Variants in ZNF292 observed in about 807,000 individuals in gnomAD.
The protein encoded by ZNF292 is zinc finger protein 292.
ZNF292 carries 26 observed loss-of-function variants against 217.9 expected under a neutral mutation model. The ratio of observed to expected loss-of-function variants is 0.12; its 90% confidence interval spans 0.09 to 0.17. ZNF292 has a LOEUF of 0.17. Ranked by LOEUF, ZNF292 falls within the 10% of genes least tolerant of loss-of-function variation. The probability of loss-of-function intolerance (pLI) is 1.00; values close to 1 mark genes in which losing one functional copy is unlikely to be tolerated. For missense variants in ZNF292, 2,904 were observed against 3,175.2 expected, an observed-to-expected ratio of 0.91 and a Z score of 2.05; for synonymous variants, 1,257 against 1,124.1, an observed-to-expected ratio of 1.12 and a Z score of -2.37.
At chr6:87,160,485 A>ATG (rs1481479708) in intron 1 of ZNF292, among the ~76,000 whole-genome samples, 3 of 66,800 alleles carry the variant, frequency 4.5e-5, no homozygotes, top group African/African-American at 1.5e-4. Flanking sequence ...ATGTGTTTGT[A>ATG]TATATATGTG....
intron 1 of ZNF292, among the ~76,000 whole-genome samples, chr6:87,181,705 G>A (rs1008756360): frequency 6.7e-6 from 1 of 150,076 alleles, no homozygotes; most frequent in African/African-American, 2.5e-5. Context: ...TTTTTGAGAT[G>A]AAGTCTCCCT....
chr6:87,195,889 A>G lies in ZNF292; in HGVS notation c.169-20014A>G, dbSNP rs113830439. Among the ~76,000 whole-genome samples the G allele has an allele frequency of 4.8e-3, 736 of 152,014 alleles. 6 individuals carry two copies. Among genetic ancestry groups the G allele is most frequent in the African/African-American group, 0.017 (685 of 41,472 alleles). ...CTGAAAATACAAAAATTAGCCGGGC[A>G]TGGTGGCACAAGCCTGTAATCCTTG... On this transcript the variant is annotated intron_variant, in intron 1 of 7. Coordinates refer to ENST00000369577, the MANE Select transcript of ZNF292 (RefSeq NM_015021.3).
rs570030472 is a variant in ZNF292, at chr6:87,256,739, C to T, written c.3110C>T (p.Ala1037Val). The T allele has an allele frequency of 1.6e-5, 25 of 1,612,428 alleles. No individual in the cohort carries two copies. Among genetic ancestry groups the T allele is most frequent in the Non-Finnish European group, 2.1e-5 (25 of 1,179,814 alleles). ...NLMTFSVQNQ[A>V]AFQNNLPTSK... ...ATGACCTTTTCTGTGCAAAATCAGGCAGCATTTCAAAACAATTTACCAACT... is the reference window on the plus strand; with the variant it reads ...ATGACCTTTTCTGTGCAAAATCAGGTAGCATTTCAAAACAATTTACCAACT... Residue 1037 changes from alanine to valine, a missense_variant, in exon 8 of 8, where the codon GCA (alanine) becomes GTA (valine). Physicochemically the swap from Ala to Val is moderately conservative, Grantham distance 64. Coordinates refer to ENST00000369577, the MANE Select transcript of ZNF292 (RefSeq NM_015021.3).
chr6:87,230,003 T>C (rs1278694580), intron 4 of ZNF292, among the ~76,000 whole-genome samples: 1 of 152,040 alleles, frequency 6.6e-6, no homozygotes, highest in African/African-American at 2.4e-5. Context: ...GAAGTGGAGA[T>C]GAAGAAGAGT....
intron 1 of ZNF292, among the ~76,000 whole-genome samples, chr6:87,178,062 T>C (rs1771358280): frequency 6.6e-6 from 1 of 152,214 alleles, no homozygotes; most frequent in Non-Finnish European, 1.5e-5. Flanking sequence ...TTTATTGACT[T>C]GGTTTCACCA....
At chr6:87,211,717 CAAA>C (rs1472186985) in intron 1 of ZNF292, among the ~76,000 whole-genome samples, 1 of 152,076 alleles carries the variant, frequency 6.6e-6, no homozygotes, top group Non-Finnish European at 1.5e-5. Flanking sequence ...AGTCATTCAT[CAAA>C]AAACAGTTTT....
At chr6:87,182,693 AATAAAAGCAAATTAACAATC>A (rs1291899584) in intron 1 of ZNF292, among the ~76,000 whole-genome samples, 3 of 152,354 alleles carry the variant, frequency 2.0e-5, no homozygotes, top group Non-Finnish European at 4.4e-5. Flanking sequence ...AGGAGGAAAG[AATAAAAGCAAATTAACAATC>A]ATATTATTGA....
rs373138423 is a variant in ZNF292 at position 87,259,149 on chromosome 6, T to C, written c.5520T>C (p.Ile1840=). 3 of 1,613,286 alleles carry C rather than the reference T, an allele frequency of 1.9e-6. No homozygotes were observed. In the African/African-American group the frequency reaches 4.0e-5, roughly 22 times the overall value. Residue 1840 remains isoleucine, a synonymous_variant, in exon 8 of 8, where the codon ATT becomes ATC. Coordinates refer to ENST00000369577, the MANE Select transcript of ZNF292 (RefSeq NM_015021.3). ...VSHKEDQIQE[I]LEGLQKLKLE... Reference sequence around the variant, plus strand: ...ATAAGGAGGATCAAATACAGGAAATTTTAGAAGGCTTACAGAAATTAAAAT... The same window carrying C: ...ATAAGGAGGATCAAATACAGGAAATCTTAGAAGGCTTACAGAAATTAAAAT...
Position 87,243,622 on chromosome 6 carries a change from C to T in ZNF292, c.878+11C>T, listed in dbSNP as rs1774424313. 19 of 1,163,686 alleles carry T rather than the reference C, an allele frequency of 1.6e-5. No homozygotes were observed. Among genetic ancestry groups the T allele is most frequent in the Admixed American group, 3.6e-5 (1 of 28,000 alleles). 72.1% of individuals were successfully genotyped at this position (1,163,686 alleles called of 1,614,324 possible). A position where few individuals can be genotyped will look rare whatever the true frequency, so the allele number is the denominator to read the frequency against. On this transcript the variant is annotated intron_variant, in intron 6 of 7. Transcript: ENST00000369577. ...TATGTACTGCGCTTGGTGAGTTGAT[C>T]TTTTTTTTTTTAAAGAAATATTTGT...
intron 5 of ZNF292, among the ~76,000 whole-genome samples, chr6:87,239,648 C>T (rs1387839579): frequency 1.6e-5 from 2 of 124,522 alleles, no homozygotes; most frequent in Admixed American, 7.9e-5. Flanking sequence ...GGCTGCCGGG[C>T]GGAGGGGCTC....
At chr6:87,175,627 C>T (rs904066640) in intron 1 of ZNF292, among the ~76,000 whole-genome samples, 6 of 152,236 alleles carry the variant, frequency 3.9e-5, no homozygotes, top group African/African-American at 1.4e-4. Flanking sequence ...ATGTGAACCA[C>T]CACCCTTGAC....
At chr6:87,204,161 G>GA (rs1186446440) in intron 1 of ZNF292, among the ~76,000 whole-genome samples, 2 of 152,212 alleles carry the variant, frequency 1.3e-5, no homozygotes, top group Non-Finnish European at 2.9e-5. Context: ...CCAGGGTCCT[G>GA]AAAGAGTCTT....
chr6:87,182,201 G>A (rs1771492518), intron 1 of ZNF292, among the ~76,000 whole-genome samples: 1 of 152,160 alleles, frequency 6.6e-6, no homozygotes, highest in Non-Finnish European at 1.5e-5. Context: ...TACTATGCAG[G>A]AGTAGCCCTT....
intron 1 of ZNF292, among the ~76,000 whole-genome samples, chr6:87,165,158 A>G (rs1403427090): frequency 6.6e-6 from 1 of 152,108 alleles, no homozygotes; most frequent in Non-Finnish European, 1.5e-5. Context: ...ATAGTCTAAT[A>G]ATGACATCCT....
rs972703533 is a variant in ZNF292 at position 87,257,653 on chromosome 6, A to G, written c.4024A>G (p.Lys1342Glu). 6.2e-7 allele frequency: 1 copy of G among 1,609,886 alleles called. No homozygotes were observed. The highest frequency in any genetic ancestry group is 1.3e-5 in the African/African-American group (1 of 74,986). The change falls in exon 8 of 8, where the codon AAA (lysine) becomes GAA (glutamate). Residue 1342 changes from lysine to glutamate, a missense_variant. By Grantham distance (56) the Lys-to-Glu change is moderately conservative. This residue lies in a region of ZNF292 where 687 missense variants were observed against 623.0 expected (regional missense o/e 1.10). Transcript: ENST00000369577. ...STNAQQSAPE[K>E]VKKDRGRGPN... is the part of the protein sequence containing the mutation. ...CAATGCCCAACAGTCTGCACCTGAA[A>G]AAGTTAAAAAAGACCGTGGGCGGGG...
rs747578657 is a variant in ZNF292, at chr6:87,261,637, T to G, written c.8008T>G (p.Leu2670Val). 1 of 1,611,974 alleles carries G rather than the reference T, an allele frequency of 6.2e-7. No homozygotes were observed. The highest frequency in any genetic ancestry group is 1.7e-5 in the Admixed American group (1 of 59,684). Residue 2670 changes from leucine (L) to valine (V), a missense_variant, in exon 8 of 8, where the codon TTA (leucine) becomes GTA (valine). Physicochemically the swap from Leu to Val is conservative, Grantham distance 32 (BLOSUM62 1). Coordinates refer to ENST00000369577, the MANE Select transcript of ZNF292 (RefSeq NM_015021.3). ...LQCSDNVKIV[L>V]DKNLKDCTEL... ...GTGCAGTGATAATGTAAAAATTGTT[T>G]TAGACAAGAATCTTAAAGATTGCAC...
chr6:87,258,104 A>G lies in ZNF292; in HGVS notation c.4475A>G (p.Gln1492Arg), dbSNP rs1775337195. Reference protein sequence around the residue: ...VSQEGSEIIKQALETAGIPST... With the variant: ...VSQEGSEIIKRALETAGIPST... ...CAAGAAGGTAGTGAAATTATTAAAC[A>G]GGCTTTGGAAACTGCTGGCATTCCC... is the stretch of plus-strand genomic sequence containing the variant. Residue 1492 changes from glutamine to arginine, a missense_variant, in exon 8 of 8, where the codon CAG becomes CGG. By Grantham distance (43) the Gln-to-Arg change is conservative (BLOSUM62 1). Around this residue, in one of 15 missense-constraint regions of ZNF292, gnomAD observed 622 missense variants for 573.1 expected, o/e 1.09. Transcript: ENST00000369577. 5 of 1,613,104 alleles carry G rather than the reference A, an allele frequency of 3.1e-6. No homozygotes were observed. The highest frequency in any genetic ancestry group is 4.2e-6 in the Non-Finnish European group (5 of 1,179,514).
intron 7 of ZNF292, among the ~76,000 whole-genome samples, chr6:87,253,621 G>C (rs996507795): frequency 6.6e-6 from 1 of 151,914 alleles, no homozygotes; most frequent in Non-Finnish European, 1.5e-5. Context: ...CTAAAATCAA[G>C]ACCAATTCAG....
At chr6:87,239,926 C>T (rs550381567) in intron 5 of ZNF292, among the ~76,000 whole-genome samples, 2 of 151,540 alleles carry the variant, frequency 1.3e-5, no homozygotes, top group Admixed American at 6.6e-5. Flanking sequence ...CAGGCAGAGA[C>T]GCTCCTCACT....
Sources: gnomAD v4.1 joint callset for allele counts (sites outside exome capture counted in the v4.1 genomes callset) on GRCh38, gnomAD v4.1.1 for gene constraint, gnomAD v4.1.1 regional missense constraint, MANE v1.5 for transcripts, NCBI Gene and HGNC (gene_info 2026-07-23, HGNC 2026-07-21) for gene names.